Variants in SHPRH observed in about 807,000 individuals in gnomAD.
SHPRH encodes the protein SNF2 histone linker PHD RING helicase, also known as E3 ubiquitin-protein ligase SHPRH.
In SHPRH, 106 loss-of-function variants were observed where a neutral mutation model predicts 202.5. The ratio of observed to expected loss-of-function variants is 0.52; its 90% CI spans 0.45 to 0.62. The LOEUF (loss-of-function observed/expected upper bound fraction) is 0.62. SHPRH is among the 20% of genes least tolerant of loss of function. SHPRH has a pLI of 0.00. For synonymous variants in SHPRH, 729 were observed against 686.0 expected, an observed-to-expected ratio of 1.06 and a Z score of -0.98; for missense variants, 1,710 against 2,020.0, an observed-to-expected ratio of 0.85 and a Z score of 2.94.
intron 3 of SHPRH, among the ~76,000 whole-genome samples, chr6:145,950,903 T>C (rs1271504148): frequency 2.6e-5 from 4 of 152,124 alleles, no homozygotes; most frequent in Admixed American, 6.6e-5. Context: ...TTATAAACAT[T>C]TGAGGAACTC....
rs543005401 is a variant in SHPRH at position 145,875,390 on chromosome 6, T to C, written c.222-10899A>G. 1.8e-3 allele frequency among the ~76,000 whole-genome samples: 271 copies of C among 152,324 alleles called. 1 individual carries two copies. The highest frequency in any genetic ancestry group is 2.7e-3 in the Non-Finnish European group (187 of 68,030). On this transcript the variant is annotated intron_variant, in intron 2 of 2. Transcript: ENST00000417762. Reference sequence around the variant, plus strand: ...GGCCCAAAATGTCAATCACTAGTGCTGAGGTTGAGAATTCTTGACTTAGGC... The same window carrying C: ...GGCCCAAAATGTCAATCACTAGTGCCGAGGTTGAGAATTCTTGACTTAGGC...
rs1781001291 is a variant in SHPRH at position 145,886,317 on chromosome 6, A to G, written c.*374T>C. ...CAAAACTGAGATCTATGTTTGTTCAATATACCAGGTCATATAAAACTAGAC... is the reference window on the plus strand; with the variant it reads ...CAAAACTGAGATCTATGTTTGTTCAGTATACCAGGTCATATAAAACTAGAC... On this transcript the variant is annotated 3_prime_UTR_variant, in exon 30 of 30. Transcript: ENST00000275233. 1 of 583,424 alleles carries G rather than the reference A, an allele frequency of 1.7e-6. No individual in the cohort carries two copies. Among genetic ancestry groups the G allele is most frequent in the Non-Finnish European group, 3.2e-6 (1 of 316,294 alleles). The allele number at this position is 583,424 out of a possible 1,614,324, so 36.1% of individuals were successfully genotyped here. A position where few individuals can be genotyped will look rare whatever the true frequency, so the allele number is the denominator to read the frequency against.
Position 145,952,336 on chromosome 6 carries a change from C to T in SHPRH, c.763+13G>A. The T allele has an allele frequency of 6.3e-7, 1 of 1,578,894 alleles. No homozygotes were observed. The highest frequency in any genetic ancestry group is 8.6e-7 in the Non-Finnish European group (1 of 1,162,072). On this transcript the variant is annotated intron_variant, in intron 3 of 29. Transcript: ENST00000275233. Reference sequence around the variant, plus strand: ...TAAGTAATAGCAATTTTTAAGTTTACTGTAAATATTACCTGGAATAATAGA... The same window carrying T: ...TAAGTAATAGCAATTTTTAAGTTTATTGTAAATATTACCTGGAATAATAGA...
intron 29 of SHPRH, among the ~76,000 whole-genome samples, chr6:145,887,107 G>A (rs1009726177): frequency 3.2e-4 from 49 of 152,082 alleles, no homozygotes; most frequent in African/African-American, 1.1e-3. Context: ...TTTGTTTCAA[G>A]AGAATTTCAA....
intron 2 of SHPRH, chr6:145,877,724 T>C (rs1261836835): frequency 6.6e-6 from 1 of 152,254 alleles, no homozygotes; most frequent in Non-Finnish European, 1.5e-5. Flanking sequence ...CTCTGAAGTC[T>C]GCCATCTGAG....
intron 2 of SHPRH, among the ~76,000 whole-genome samples, chr6:145,864,941 ACT>A (rs767915428): frequency 0.071 from 6,832 of 95,704 alleles, 178 homozygotes; most frequent in Middle Eastern, 0.082. Flanking sequence ...AAACACACAC[ACT>A]CACACACACA....
chr6:145,945,926 G>A (rs1787326391), intron 7 of SHPRH, among the ~76,000 whole-genome samples: 1 of 152,034 alleles, frequency 6.6e-6, no homozygotes, highest in Non-Finnish European at 1.5e-5. Context: ...AATTATTTAA[G>A]TATACGCTAC....
chr6:145,866,719 T>C (rs758044943), intron 2 of SHPRH, among the ~76,000 whole-genome samples: 3 of 152,184 alleles, frequency 2.0e-5, no homozygotes, highest in Non-Finnish European at 4.4e-5. Context: ...TGGTTTCCAA[T>C]TCCAGGGAGG....
At chr6:145,898,094 T>C (rs947960812) in intron 25 of SHPRH, among the ~76,000 whole-genome samples, 2 of 152,178 alleles carry the variant, frequency 1.3e-5, no homozygotes, top group African/African-American at 4.8e-5. Context: ...GACATGATCT[T>C]ATATATACAA....
Position 145,922,788 on chromosome 6 carries a change from T to C in SHPRH, c.3594A>G (p.Glu1198=), listed in dbSNP as rs756600884. The C allele has an allele frequency of 1.2e-6, 2 of 1,612,070 alleles. No individual in the cohort carries two copies. Among genetic ancestry groups the C allele is most frequent in the Non-Finnish European group, 1.7e-6 (2 of 1,178,736 alleles). ...CTAGCTTCTGGCATTTATTTAGCTC[T>C]TCCATTTGTGTTGTAAGTAAGAACT... ...GLQFLLTTQM[E]ELNKCQKLVR... Residue 1198 remains glutamate, a synonymous_variant, in exon 19 of 30, where the codon GAA becomes GAG. Transcript: ENST00000275233.
chr6:145,964,151 G>C lies in SHPRH; in HGVS notation c.-453C>G, dbSNP rs1789415432. The C allele has an allele frequency of 1.4e-5, 2 of 147,192 alleles. No individual in the cohort carries two copies. The highest frequency in any genetic ancestry group is 5.0e-5 in the African/African-American group (2 of 40,398). 9.1% of individuals were successfully genotyped at this position (147,192 alleles called of 1,614,324 possible). ...ACCCCTGACCTTCCATCACCCAAGC[G>C]CCTACCCAAGCTGGTTCTCCGAGCC... On this transcript the variant is annotated 5_prime_UTR_variant, in exon 1 of 30. Transcript: ENST00000275233.
At chr6:145,914,584 C>T (rs533217971) in intron 23 of SHPRH, among the ~76,000 whole-genome samples, 12 of 152,104 alleles carry the variant, frequency 7.9e-5, no homozygotes, top group Non-Finnish European at 1.6e-4. Flanking sequence ...AGGCAGCGGG[C>T]TGAATTTTTC....
intron 14 of SHPRH, among the ~76,000 whole-genome samples, chr6:145,928,990 T>A (rs1785158868): frequency 6.6e-6 from 1 of 151,952 alleles, no homozygotes; most frequent in Non-Finnish European, 1.5e-5. Context: ...CTATCAGTAT[T>A]TATACTACCA....
intron 25 of SHPRH, among the ~76,000 whole-genome samples, chr6:145,899,117 A>G (rs1782270711): frequency 6.6e-6 from 1 of 152,006 alleles, no homozygotes; most frequent in Non-Finnish European, 1.5e-5. Flanking sequence ...TCTGGCCGTA[A>G]CTCCTTTTAT....
intron 3 of SHPRH, among the ~76,000 whole-genome samples, chr6:145,951,499 T>C (rs1787975865): frequency 6.6e-6 from 1 of 152,094 alleles, no homozygotes; most frequent in African/African-American, 2.4e-5. Flanking sequence ...GATTAATAGC[T>C]AAATTTGAAG....
At chr6:145,958,269 A>C (rs1788710781) in intron 1 of SHPRH, among the ~76,000 whole-genome samples, 1 of 152,210 alleles carries the variant, frequency 6.6e-6, no homozygotes, top group South Asian at 2.1e-4. Context: ...ATCAAATTAT[A>C]TACTTTAAAT....
chr6:145,950,521 G>GT (rs766077542), intron 3 of SHPRH, 39 bp from the exon 4 acceptor site: 47 of 1,584,430 alleles, frequency 3.0e-5, no homozygotes, highest in Admixed American at 2.0e-4. Context: ...AAACTGATAG[G>GT]TTTTTTCTAA....
chr6:145,946,726 T>C (rs934596345), intron 6 of SHPRH, among the ~76,000 whole-genome samples: 1 of 151,650 alleles, frequency 6.6e-6, no homozygotes, highest in African/African-American at 2.4e-5. Context: ...TCCAAGTCAT[T>C]TGTCTACAAA....
chr6:145,925,365 CACACAT>C (rs1784778104), intron 16 of SHPRH, among the ~76,000 whole-genome samples: 1 of 151,280 alleles, frequency 6.6e-6, no homozygotes, highest in African/African-American at 2.4e-5. Flanking sequence ...CACACACACA[CACACAT>C]GCATGCAATA....
Sources: allele counts gnomAD v4.1 joint callset (sites outside exome capture counted in the v4.1 genomes callset), GRCh38; gene constraint gnomAD v4.1.1; transcripts MANE v1.5; gene names NCBI Gene and HGNC (gene_info 2026-07-23, HGNC 2026-07-21).